The following CSGALNACT1 variants were observed in gnomAD, a reference collection of about 807,000 sequenced individuals.
CSGALNACT1 encodes the protein beta4GalNAcT-1.
Under a neutral mutation model 51.0 loss-of-function variants are expected in CSGALNACT1, and 52 were observed. The ratio of observed to expected loss-of-function variants is 1.02; its 90% CI spans 0.82 to 1.29. The LOEUF (loss-of-function observed/expected upper bound fraction) is 1.29, where lower values mean the gene tolerates loss of function less well. CSGALNACT1 is among the 50% of genes most tolerant of loss of function. The pLI, the probability that CSGALNACT1 is intolerant of heterozygous loss-of-function variation, is 0.00. For missense variants in CSGALNACT1, 935 were observed against 679.2 expected (o/e 1.38, Z -4.19); for synonymous variants, 341 against 254.4 (o/e 1.34, Z -3.24).
intron 4 of CSGALNACT1, among the ~76,000 whole-genome samples, chr8:19,470,057 A>G (rs1244284493): frequency 6.7e-6 from 1 of 148,886 alleles, no homozygotes; most frequent in African/African-American, 2.6e-5. Flanking sequence ...TACTTCCTTC[A>G]TATGCTGATA....
chr8:19,653,300 G>A (rs1327025323), intron 1 of CSGALNACT1, among the ~76,000 whole-genome samples: 2 of 152,022 alleles, frequency 1.3e-5, no homozygotes, highest in African/African-American at 4.8e-5. Flanking sequence ...TGTTGACATC[G>A]CTGAGTATCC....
At chr8:19,670,553 A>G (rs1200967638) in intron 1 of CSGALNACT1, among the ~76,000 whole-genome samples, 1 of 150,688 alleles carries the variant, frequency 6.6e-6, no homozygotes, top group Non-Finnish European at 1.5e-5. Flanking sequence ...AGGGTCAGAA[A>G]TGACATTTAT....
intron 4 of CSGALNACT1, among the ~76,000 whole-genome samples, chr8:19,484,177 C>T (rs1170574728): frequency 8.8e-6 from 1 of 113,770 alleles, no homozygotes; most frequent in Non-Finnish European, 2.0e-5. Flanking sequence ...GGCCCCTAAG[C>T]ACAAGGGGAG....
At chr8:19,648,094 G>C (rs2057441476) in intron 1 of CSGALNACT1, among the ~76,000 whole-genome samples, 3 of 152,298 alleles carry the variant, frequency 2.0e-5, no homozygotes, top group East Asian at 1.9e-4. Flanking sequence ...TTGGGAGTTA[G>C]TGAATATAAT....
chr8:19,611,675 G>A (rs1349603205), intron 1 of CSGALNACT1, among the ~76,000 whole-genome samples: 18 of 152,136 alleles, frequency 1.2e-4, no homozygotes, highest in Admixed American at 1.2e-3. Context: ...TCATGAACAG[G>A]ATCCTGTATG....
At chr8:19,523,745 G>A (rs1587799576) in intron 3 of CSGALNACT1, among the ~76,000 whole-genome samples, 2 of 152,292 alleles carry the variant, frequency 1.3e-5, no homozygotes, top group African/African-American at 2.4e-5. Context: ...GAGACAAACC[G>A]AAGGGTCAGC....
At chr8:19,621,200 A>C (rs943220094) in intron 1 of CSGALNACT1, among the ~76,000 whole-genome samples, 3 of 152,138 alleles carry the variant, frequency 2.0e-5, no homozygotes, top group African/African-American at 7.2e-5. Context: ...CACAATGATA[A>C]AACTTTTGCC....
chr8:19,497,575 T>C (rs2075707524), intron 4 of CSGALNACT1, among the ~76,000 whole-genome samples: 1 of 152,140 alleles, frequency 6.6e-6, no homozygotes, highest in Admixed American at 6.5e-5. Flanking sequence ...AAGGCTCTAA[T>C]GGAAAAGTGG....
intron 4 of CSGALNACT1, among the ~76,000 whole-genome samples, chr8:19,468,542 G>T (rs1046255366): frequency 9.2e-5 from 14 of 152,140 alleles, no homozygotes; most frequent in Non-Finnish European, 1.9e-4. Context: ...GGTGGATGAT[G>T]GCAGGGAACG....
chr8:19,661,810 T>A (rs77566216), intron 1 of CSGALNACT1, among the ~76,000 whole-genome samples: 6,754 of 152,268 alleles, frequency 0.044, 232 homozygotes, highest in Middle Eastern at 0.065. Flanking sequence ...AAATCACGGA[T>A]ATGCCTTGCC....
intron 1 of CSGALNACT1, among the ~76,000 whole-genome samples, chr8:19,695,445 C>G (rs1011486109): frequency 1.3e-5 from 2 of 152,180 alleles, no homozygotes; most frequent in Admixed American, 1.3e-4. Flanking sequence ...AATCTCTCTC[C>G]TGGCCTCAAC....
chr8:19,677,699 G>A (rs1387709843), intron 1 of CSGALNACT1, among the ~76,000 whole-genome samples: 4 of 152,114 alleles, frequency 2.6e-5, no homozygotes, highest in African/African-American at 4.8e-5. Flanking sequence ...TTACTTCAGC[G>A]AAGTAAGAAG....
At chr8:19,493,855 T>TA (rs1350583126) in intron 4 of CSGALNACT1, among the ~76,000 whole-genome samples, 1 of 144,482 alleles carries the variant, frequency 6.9e-6, no homozygotes, top group African/African-American at 2.6e-5. Context: ...TCAGTATATA[T>TA]ACGTATGTGT....
chr8:19,659,312 T>C (rs2058565384), intron 1 of CSGALNACT1, among the ~76,000 whole-genome samples: 1 of 152,222 alleles, frequency 6.6e-6, no homozygotes, highest in South Asian at 2.1e-4. Context: ...TCACTCTTGA[T>C]TTCAAGCAAC....
At chr8:19,434,233 A>G (rs1188522387) in intron 6 of CSGALNACT1, among the ~76,000 whole-genome samples, 1 of 152,212 alleles carries the variant, frequency 6.6e-6, no homozygotes, top group East Asian at 1.9e-4. Flanking sequence ...TCTTTTAAAC[A>G]GTGCATTCTA....
chr8:19,591,877 T>C lies in CSGALNACT1; in HGVS notation c.-415-599A>G, dbSNP rs1045765180. Among the ~76,000 whole-genome samples, 6 of 152,140 alleles carry C rather than the reference T, an allele frequency of 3.9e-5. No individual in the cohort carries two copies. The East Asian group carries it at 5.8e-4, about 15-fold the overall frequency. ...TTAATATATTACAGTATTTGCTATA[T>C]TATAGTATTTTTAAAAATCTGCCAT... On this transcript the variant is annotated intron_variant, in intron 2 of 9. Coordinates refer to ENST00000454498, the Ensembl canonical transcript of CSGALNACT1.
chr8:19,732,325 C>T (rs1009498986), intron 1 of CSGALNACT1: 3 of 152,124 alleles, frequency 2.0e-5, no homozygotes, highest in African/African-American at 7.2e-5. Flanking sequence ...CAATAAAATA[C>T]ATCCAATTAA....
At chr8:19,430,755 G>T (rs75082695) in intron 6 of CSGALNACT1, among the ~76,000 whole-genome samples, 3 of 152,092 alleles carry the variant, frequency 2.0e-5, no homozygotes, top group Non-Finnish European at 4.4e-5. Context: ...TTTTAATAGG[G>T]ATTGTACTGA....
At chr8:19,545,889 G>T (rs1395980007) in intron 3 of CSGALNACT1, among the ~76,000 whole-genome samples, 1 of 148,654 alleles carries the variant, frequency 6.7e-6, no homozygotes, top group Non-Finnish European at 1.5e-5. Context: ...TGCTATATGT[G>T]TATACATATA....
Sources: allele counts gnomAD v4.1 joint callset (sites outside exome capture counted in the v4.1 genomes callset), GRCh38; gene constraint gnomAD v4.1.1; transcripts MANE v1.5; gene names NCBI Gene and HGNC (gene_info 2026-07-23, HGNC 2026-07-21).